Variants in DCAF8L2 observed in about 807,000 individuals in gnomAD.
DCAF8L2 encodes DDB1- and CUL4-associated factor 8-like protein 2.
For synonymous variants in DCAF8L2, 200 were observed against 190.9 expected, an observed-to-expected ratio of 1.05 and a Z score of -0.39; for missense variants, 430 against 490.7, an observed-to-expected ratio of 0.88 and a Z score of 1.17.
At chrX:27,513,635 A>G in the DCAF8L2 span, among the ~76,000 whole-genome samples, 1 of 107,963 alleles carries the variant, frequency 9.3e-6, no homozygotes, top group African/African-American at 3.4e-5. Flanking sequence ...AACCTGGGAC[A>G]TGGAGGTTAC....
At chrX:27,596,275 G>A (rs913510854) in intron 1 of DCAF8L2, among the ~76,000 whole-genome samples, 4 of 111,704 alleles carry the variant, frequency 3.6e-5, no homozygotes, top group African/African-American at 1.3e-4. Context: ...ATGAATACAG[G>A]AAGGCAGATG....
chrX:27,517,872 C>T, the DCAF8L2 span: 2 of 1,089,212 alleles, frequency 1.8e-6, no homozygotes, highest in African/African-American at 1.8e-5. Context: ...GCATGAAGAA[C>T]ATCATTTTGT....
At chrX:27,485,685 C>T in the DCAF8L2 span, among the ~76,000 whole-genome samples, 2 of 110,854 alleles carry the variant, frequency 1.8e-5, no homozygotes, top group African/African-American at 6.5e-5. Flanking sequence ...TAATTTTAGG[C>T]AATGTTAAAT....
chrX:27,678,195 A>G (rs1930206327), intron 3 of DCAF8L2, among the ~76,000 whole-genome samples: 1 of 111,569 alleles, frequency 9.0e-6, no homozygotes, highest in African/African-American at 3.3e-5. Context: ...AAAACGTTTT[A>G]TTTTATTTTA....
At chrX:27,538,491 T>C in the DCAF8L2 span, among the ~76,000 whole-genome samples, 1 of 110,660 alleles carries the variant, frequency 9.0e-6, no homozygotes, top group African/African-American at 3.3e-5. Context: ...CCTCCCAGGT[T>C]CAAGTGATTC....
chrX:27,592,417 G>GTTTTTTTTTTTTTTTGTTTTTTTT (rs1248208449), intron 1 of DCAF8L2, among the ~76,000 whole-genome samples: 1 of 83,954 alleles, frequency 1.2e-5, no homozygotes, highest in Non-Finnish European at 2.2e-5. Flanking sequence ...GTTTGTTTTT[G>GTTTTTTTTTTTTTTTGTTTTTTTT]TTTTTTTTTT....
chrX:27,529,582 A>C, the DCAF8L2 span, among the ~76,000 whole-genome samples: 1 of 111,758 alleles, frequency 8.9e-6, no homozygotes, highest in African/African-American at 3.2e-5. Context: ...AAAGTATAGA[A>C]AATCCTTAAA....
At chrX:27,720,507 G>A (rs1046012102) in intron 4 of DCAF8L2, among the ~76,000 whole-genome samples, 8 of 110,563 alleles carry the variant, frequency 7.2e-5, no homozygotes, top group African/African-American at 1.3e-4. Flanking sequence ...CCGAGTAGCT[G>A]GGACTACAGG....
chrX:27,534,200 C>A, the DCAF8L2 span, among the ~76,000 whole-genome samples: 1 of 85,963 alleles, frequency 1.2e-5, no homozygotes, highest in African/African-American at 4.3e-5. Flanking sequence ...TACAGAGAGA[C>A]CCTGTCTCAA....
rs1010603805 is a variant in DCAF8L2 at position 27,723,089 on chromosome X, A to T, written c.-59+6918A>T. ...AATAAAACTATAGGTTTTCTGAAGG[A>T]TGCAAGAATTATACTTGTATGGAAA... is the stretch of plus-strand genomic sequence containing the variant. On this transcript the variant is annotated intron_variant, in intron 4 of 4. Transcript: ENST00000451261. 1.9e-4 allele frequency among the ~76,000 whole-genome samples: 21 copies of T among 110,555 alleles called. No homozygotes were observed. The Admixed American group carries it at 2.0e-3, about 11-fold the overall frequency.
chrX:27,495,543 A>G, the DCAF8L2 span, among the ~76,000 whole-genome samples: 1 of 111,942 alleles, frequency 8.9e-6, no homozygotes, highest in Admixed American at 9.5e-5. Flanking sequence ...ATTAACATGA[A>G]TTTGTATTCC....
At chrX:27,553,602 A>C in the DCAF8L2 span, among the ~76,000 whole-genome samples, 1 of 110,837 alleles carries the variant, frequency 9.0e-6, no homozygotes, top group Admixed American at 9.6e-5. Flanking sequence ...ATTTGCATGG[A>C]ATATTTTTCC....
chrX:27,488,551 G>C, the DCAF8L2 span, among the ~76,000 whole-genome samples: 1 of 80,540 alleles, frequency 1.2e-5, no homozygotes, highest in Non-Finnish European at 2.3e-5. Flanking sequence ...GTGTGTGTGT[G>C]TGTGTGTGTG....
chrX:27,475,576 T>G, the DCAF8L2 span, among the ~76,000 whole-genome samples: 2 of 111,696 alleles, frequency 1.8e-5, no homozygotes, highest in Non-Finnish European at 3.8e-5. Context: ...CTTGAACAGG[T>G]CACCTAACTC....
chrX:27,647,477 T>A (rs1464340788), intron 2 of DCAF8L2, among the ~76,000 whole-genome samples: 1 of 111,536 alleles, frequency 9.0e-6, no homozygotes, highest in African/African-American at 3.3e-5. Context: ...ACCTAGGTGA[T>A]GGGTTGATAG....
In DCAF8L2 at chrX:27,749,838, T is replaced by G. The variant is rs780420660; in HGVS notation, c.*1047T>G. ...TCACATTGCTTAAAATTCTCTCTGC[T>G]GTTTAAATTGCTTTAAAAATTGTTT... On this transcript the variant is annotated 3_prime_UTR_variant, in exon 5 of 5. Coordinates refer to ENST00000451261, the MANE Select transcript of DCAF8L2 (RefSeq NM_001353450.2). Among the ~76,000 whole-genome samples the G allele has an allele frequency of 7.1e-5, 8 of 112,766 alleles. No homozygotes were observed. The highest frequency in any genetic ancestry group is 1.6e-4 in the African/African-American group (5 of 31,064).
intron 3 of DCAF8L2, among the ~76,000 whole-genome samples, chrX:27,708,248 A>ATGC (rs1398770342): frequency 8.9e-6 from 1 of 111,923 alleles, no homozygotes; most frequent in Non-Finnish European, 1.9e-5. Context: ...AAATGAGAAC[A>ATGC]TGCGCTATTG....
At chrX:27,484,235 C>G in the DCAF8L2 span, among the ~76,000 whole-genome samples, 1 of 111,503 alleles carries the variant, frequency 9.0e-6, no homozygotes, top group Non-Finnish European at 1.9e-5. Flanking sequence ...ATACACATCT[C>G]TTGACAATGC....
chrX:27,682,128 T>A (rs1930350490), intron 3 of DCAF8L2, among the ~76,000 whole-genome samples: 1 of 110,650 alleles, frequency 9.0e-6, no homozygotes, highest in African/African-American at 3.3e-5. Context: ...CGTGCCAAAC[T>A]AATTTATTTC....
Sources: allele counts gnomAD v4.1 joint callset (sites outside exome capture counted in the v4.1 genomes callset), GRCh38; gene constraint gnomAD v4.1.1; transcripts MANE v1.5; gene names NCBI Gene and HGNC (gene_info 2026-07-23, HGNC 2026-07-21).